Variants in SEMA3D observed in about 807,000 individuals in gnomAD.
SEMA3D encodes the protein semaphorin-3D.
In SEMA3D, 84 loss-of-function variants were observed where a neutral mutation model predicts 100.1. The ratio of observed to expected loss-of-function variants is 0.84; its 90% CI spans 0.70 to 1.01. SEMA3D has a LOEUF of 1.01. Ranked by LOEUF, SEMA3D falls within the 50% of genes least tolerant of loss-of-function variation. The pLI is 0.00. For synonymous variants in SEMA3D, 312 were observed against 320.7 expected (o/e 0.97, Z 0.29); for missense variants, 875 against 934.1 (o/e 0.94, Z 0.82).
At position 85,073,098 on chromosome 7, in the gene SEMA3D, T is replaced by C; in HGVS notation, c.376-17A>G. 2.5e-6 allele frequency: 4 copies of C among 1,610,256 alleles called. No homozygotes were observed. The highest frequency in any genetic ancestry group is 3.4e-6 in the Non-Finnish European group (4 of 1,178,614). ...ACATTCTGTCTGTTGGGCACAAAAA[T>C]TAAAAGCATTAACACACAATTCAGG... On this transcript the variant is annotated splice_polypyrimidine_tract_variant and intron_variant, in intron 5 of 18. Transcript: ENST00000284136.
At chr7:85,200,521 A>T in the SEMA3D span, among the ~76,000 whole-genome samples, 1 of 152,184 alleles carries the variant, frequency 6.6e-6, no homozygotes, top group African/African-American at 2.4e-5. Flanking sequence ...ATTTTCTGCA[A>T]CAAAGCATTC....
intron 2 of SEMA3D, chr7:85,144,409 A>G (rs796337527): frequency 1.1e-6 from 1 of 952,364 alleles, no homozygotes. Context: ...TAGCTTTGAA[A>G]CTAAAGCAAG....
chr7:85,098,216 T>G (rs867776825), intron 3 of SEMA3D, among the ~76,000 whole-genome samples: 14 of 151,944 alleles, frequency 9.2e-5, no homozygotes, highest in Middle Eastern at 6.8e-3. Flanking sequence ...AATATAGCTA[T>G]ATGTAATTAC....
intron 5 of SEMA3D, among the ~76,000 whole-genome samples, chr7:85,077,382 C>G (rs1013999177): frequency 2.0e-5 from 3 of 151,764 alleles, no homozygotes; most frequent in African/African-American, 7.3e-5. Flanking sequence ...AGGTATTATA[C>G]TGTATGTATA....
chr7:85,080,947 A>C (rs1788040705), intron 5 of SEMA3D, among the ~76,000 whole-genome samples: 1 of 152,184 alleles, frequency 6.6e-6, no homozygotes, highest in Non-Finnish European at 1.5e-5. Context: ...TATTTTATAT[A>C]ATCATTATTA....
chr7:85,109,287 C>T (rs998557217), intron 3 of SEMA3D, among the ~76,000 whole-genome samples: 1 of 151,984 alleles, frequency 6.6e-6, no homozygotes, highest in Non-Finnish European at 1.5e-5. Context: ...ACAGAAAGAG[C>T]TCAAACCTAT....
the SEMA3D span, among the ~76,000 whole-genome samples, chr7:85,196,550 A>G: frequency 6.6e-6 from 1 of 152,240 alleles, no homozygotes; most frequent in South Asian, 2.1e-4. Flanking sequence ...GTTATTGTCA[A>G]TCCATATATC....
At chr7:85,226,680 G>A in the SEMA3D span, among the ~76,000 whole-genome samples, 1 of 151,288 alleles carries the variant, frequency 6.6e-6, no homozygotes, top group African/African-American at 2.4e-5. Flanking sequence ...AGTAAGATGA[G>A]GATTTTTTTT....
intron 4 of SEMA3D, among the ~76,000 whole-genome samples, chr7:85,087,474 A>C (rs1383173641): frequency 6.6e-6 from 1 of 152,182 alleles, no homozygotes; most frequent in Non-Finnish European, 1.5e-5. Flanking sequence ...TTTTCTGTGG[A>C]TCCAGAAGAA....
intron 12 of SEMA3D, among the ~76,000 whole-genome samples, chr7:85,031,564 T>C (rs917299623): frequency 2.0e-5 from 3 of 151,962 alleles, no homozygotes; most frequent in African/African-American, 7.2e-5. Context: ...CCTTTGAAGG[T>C]AGAACAAAAG....
chr7:85,038,050 G>A (rs1369369400), intron 11 of SEMA3D, among the ~76,000 whole-genome samples: 1 of 143,860 alleles, frequency 7.0e-6, no homozygotes, highest in African/African-American at 2.5e-5. Flanking sequence ...CTGTTGTGGG[G>A]TGGGGGGGAG....
chr7:85,009,778 G>T (rs1789901034), intron 17 of SEMA3D, among the ~76,000 whole-genome samples: 1 of 151,678 alleles, frequency 6.6e-6, no homozygotes, highest in Non-Finnish European at 1.5e-5. Context: ...TAGCTCAAAT[G>T]CTATCCATCT....
intron 4 of SEMA3D, 100 bp from the exon 5 acceptor site, chr7:85,081,679 G>A (rs373607778): frequency 3.9e-6 from 3 of 769,202 alleles, no homozygotes; most frequent in Non-Finnish European, 6.7e-6. Context: ...TGAAGAATGA[G>A]TATTAAGCAT....
At chr7:85,122,016 T>C in intron 2 of SEMA3D, 85 bp from the exon 3 acceptor site, 1 of 639,836 alleles carries the variant, frequency 1.6e-6, no homozygotes, top group East Asian at 3.0e-5. Context: ...ATCATCTCAC[T>C]CTTAAGTGGG....
the SEMA3D span, among the ~76,000 whole-genome samples, chr7:85,249,879 T>C: frequency 2.0e-5 from 3 of 152,128 alleles, no homozygotes; most frequent in Non-Finnish European, 2.9e-5. Flanking sequence ...GATGGCCGAA[T>C]AGGAACAGCT....
chr7:85,089,910 A>C (rs1788334648), intron 4 of SEMA3D, among the ~76,000 whole-genome samples: 1 of 152,086 alleles, frequency 6.6e-6, no homozygotes, highest in African/African-American at 2.4e-5. Context: ...AACAAACAAA[A>C]AAACACCTAC....
the SEMA3D span, among the ~76,000 whole-genome samples, chr7:85,243,138 A>T: frequency 6.6e-6 from 1 of 152,170 alleles, no homozygotes; most frequent in Non-Finnish European, 1.5e-5. Context: ...TCTCCTAAGT[A>T]AGTCTCTGAT....
chr7:85,116,299 T>A (rs1789240632), intron 3 of SEMA3D, among the ~76,000 whole-genome samples: 1 of 146,710 alleles, frequency 6.8e-6, no homozygotes, highest in Non-Finnish European at 1.5e-5. Flanking sequence ...ACAATTTATA[T>A]ATGTATATAT....
chr7:85,196,647 A>C, the SEMA3D span, among the ~76,000 whole-genome samples: 1 of 152,156 alleles, frequency 6.6e-6, no homozygotes, highest in Non-Finnish European at 1.5e-5. Flanking sequence ...GGGAATAAAG[A>C]CTAGAAAAGA....
Sources: allele counts gnomAD v4.1 joint callset (sites outside exome capture counted in the v4.1 genomes callset), GRCh38; gene constraint gnomAD v4.1.1; transcripts MANE v1.5; gene names NCBI Gene and HGNC (gene_info 2026-07-23, HGNC 2026-07-21).